Variants in KDM3A observed in about 807,000 individuals in gnomAD.
The protein encoded by KDM3A is lysine demethylase 3A.
A neutral mutation model predicts 158.0 loss-of-function variants in KDM3A; 60 were observed. The observed-to-expected ratio is 0.38, with a 90% CI of 0.31 to 0.47. The LOEUF is 0.47. Ranked by LOEUF, KDM3A falls within the 20% of genes least tolerant of loss-of-function variation. The pLI is 0.99. For synonymous variants in KDM3A, 608 were observed against 549.3 expected (o/e 1.11, Z -1.49); for missense variants, 1,319 against 1,574.3 (o/e 0.84, Z 2.74).
intron 10 of KDM3A, among the ~76,000 whole-genome samples, chr2:86,469,379 T>TA (rs1235045805): frequency 6.6e-6 from 1 of 152,202 alleles, no homozygotes; most frequent in African/African-American, 2.4e-5. Context: ...TCTGGGACCC[T>TA]AAGAAAAGGT....
intron 11 of KDM3A, among the ~76,000 whole-genome samples, chr2:86,473,783 T>G (rs1334093999): frequency 6.6e-6 from 1 of 152,112 alleles, no homozygotes; most frequent in Non-Finnish European, 1.5e-5. Flanking sequence ...TTTCAAAAAT[T>G]TAAAACTAAT....
rs72932310 is a variant in KDM3A at position 86,485,608 on chromosome 2, G to C, written c.3183-121G>C. On this transcript the variant is annotated intron_variant, in intron 20 of 25. Coordinates refer to ENST00000312912, the MANE Select transcript of KDM3A (RefSeq NM_018433.6). Reference sequence around the variant, plus strand: ...TTCTCATCTTAAATATTTGATGGCTGTCAGTCTGCATGATCACAGATGGAT... The same window carrying C: ...TTCTCATCTTAAATATTTGATGGCTCTCAGTCTGCATGATCACAGATGGAT... 163,460 of 1,137,034 alleles carry C rather than the reference G, an allele frequency of 0.14. 13,984 individuals carry two copies. Among genetic ancestry groups the C allele is most frequent in the African/African-American group, 0.31 (20,078 of 64,160 alleles). 70.4% of individuals were successfully genotyped at this position (1,137,034 alleles called of 1,614,324 possible). A position where few individuals can be genotyped will look rare whatever the true frequency, so the allele number is the denominator to read the frequency against.
Position 86,466,461 on chromosome 2 carries a change from C to T in KDM3A, c.1097C>T (p.Ala366Val), listed in dbSNP as rs1247937995. The change falls in exon 10 of 26, where the codon GCA (alanine) becomes GTA (valine). Residue 366 changes from alanine (A) to valine (V), a missense_variant. Coordinates refer to ENST00000312912, the MANE Select transcript of KDM3A (RefSeq NM_018433.6). Reference protein sequence around the residue: ...ALRTKPDVCKAGLLSKSSQIG... With the variant: ...ALRTKPDVCKVGLLSKSSQIG... ...AGAACAAAACCAGATGTCTGCAAAGCAGGGTTGCTCTCAAAGTCCTCTCAG... is the reference window on the plus strand; with the variant it reads ...AGAACAAAACCAGATGTCTGCAAAGTAGGGTTGCTCTCAAAGTCCTCTCAG... 6.2e-7 allele frequency: 1 copy of T among 1,613,730 alleles called. No individual in the cohort carries two copies. Among genetic ancestry groups the T allele is most frequent in the East Asian group, 2.2e-5 (1 of 44,892 alleles).
At chr2:86,450,086 C>T (rs774815740) in intron 3 of KDM3A, 124 bp downstream of exon 3, 1 of 1,010,890 alleles carries the variant, frequency 9.9e-7, no homozygotes, top group African/African-American at 1.6e-5. Flanking sequence ...CCTGCCAGCC[C>T]TTTTAAGAAC....
At chr2:86,481,858 G>A in intron 16 of KDM3A, 72 bp from the exon 17 acceptor site, 1 of 1,152,680 alleles carries the variant, frequency 8.7e-7, no homozygotes, top group East Asian at 2.4e-5. Flanking sequence ...AAGTAATTCT[G>A]CTAGTAGAAT....
chr2:86,442,852 G>A (rs1682793450), intron 2 of KDM3A, among the ~76,000 whole-genome samples: 1 of 152,076 alleles, frequency 6.6e-6, no homozygotes, highest in Non-Finnish European at 1.5e-5. Context: ...GGGTGGAGCT[G>A]TCCCATATAT....
At chr2:86,473,273 A>G (rs955556119) in intron 11 of KDM3A, among the ~76,000 whole-genome samples, 2 of 152,098 alleles carry the variant, frequency 1.3e-5, no homozygotes, top group African/African-American at 4.8e-5. Context: ...TGATCCTCCC[A>G]TCTCAGCTTC....
chr2:86,491,144 C>T lies in KDM3A; in HGVS notation c.3754C>T (p.His1252Tyr). ...TATATTACTTGGTGTTTTTCAGGTTCATAACTTATATAGCTGCATCAAAGT... is the reference window on the plus strand; with the variant it reads ...TATATTACTTGGTGTTTTTCAGGTTTATAACTTATATAGCTGCATCAAAGT... ...FIPAGAPHQVHNLYSCIKVAE... is the reference protein window; with the variant it reads ...FIPAGAPHQVYNLYSCIKVAE... Residue 1252 changes from histidine (H) to tyrosine (Y), a missense_variant, in exon 25 of 26, where the codon CAT (histidine) becomes TAT (tyrosine). His to Tyr is a moderately conservative substitution (Grantham distance 83). This residue lies in a region of KDM3A where 186 missense variants were observed against 340.9 expected (regional missense o/e 0.55). Transcript: ENST00000312912. 1 of 1,613,904 alleles carries T rather than the reference C, an allele frequency of 6.2e-7. No homozygotes were observed. The highest frequency in any genetic ancestry group is 8.5e-7 in the Non-Finnish European group (1 of 1,179,882).
chr2:86,455,530 G>A (rs560862041), intron 5 of KDM3A, among the ~76,000 whole-genome samples: 143 of 151,786 alleles, frequency 9.4e-4, no homozygotes, highest in African/African-American at 3.3e-3. Flanking sequence ...CCATCACGCC[G>A]GGCCATTTCT....
chr2:86,443,019 G>A (rs541509081), intron 2 of KDM3A, among the ~76,000 whole-genome samples: 1 of 152,206 alleles, frequency 6.6e-6, no homozygotes, highest in South Asian at 2.1e-4. Flanking sequence ...AATTCTGATT[G>A]TGCTCCCTAA....
At chr2:86,451,948 C>G (rs1218956099) in intron 4 of KDM3A, among the ~76,000 whole-genome samples, 1 of 152,154 alleles carries the variant, frequency 6.6e-6, no homozygotes, top group African/African-American at 2.4e-5. Flanking sequence ...TACAAGCAAT[C>G]CTCATTATTT....
In KDM3A at chr2:86,474,806, G is replaced by A; in HGVS notation, c.1755G>A (p.Arg585=). 1 of 1,610,990 alleles carries A rather than the reference G, an allele frequency of 6.2e-7. No homozygotes were observed. ...AATTCAACAAACATGGTGTGTTGCG[G>A]GTAGAAGGCTTCTTAACACCAAACA... ...RLQFNKHGVL[R]VEGFLTPNKY... Residue 585 remains arginine, a synonymous_variant, in exon 12 of 26, where the codon CGG becomes CGA. Transcript: ENST00000312912.
intron 2 of KDM3A, among the ~76,000 whole-genome samples, chr2:86,446,853 C>A (rs183976612): frequency 6.6e-6 from 1 of 152,296 alleles, no homozygotes; most frequent in Admixed American, 6.5e-5. Flanking sequence ...ACTCTGTCAC[C>A]CAGGCTGAAG....
chr2:86,482,252 T>G, intron 17 of KDM3A, 150 bp downstream of exon 17: 1 of 1,164,436 alleles, frequency 8.6e-7, no homozygotes, highest in Non-Finnish European at 1.2e-6. Flanking sequence ...GGATGGGTTT[T>G]ATGGGACTAT....
In KDM3A at chr2:86,466,513, G is replaced by T; in HGVS notation, c.1149G>T (p.Leu383=). ...TTGGAACTGGAGACTTGAAAATTCT[G>T]ACTGAGCCAAAAGGCAGCTGTACTC... ...SQIGTGDLKI[L]TEPKGSCTQP... is the part of the protein sequence containing the mutation. The change falls in exon 10 of 26, where the codon CTG becomes CTT. Residue 383 remains leucine, a synonymous_variant. Transcript: ENST00000312912. 2 of 1,613,880 alleles carry T rather than the reference G, an allele frequency of 1.2e-6. No individual in the cohort carries two copies. Among genetic ancestry groups the T allele is most frequent in the South Asian group, 2.2e-5 (2 of 91,038 alleles).
chr2:86,490,285 C>T (rs972353272), intron 23 of KDM3A: 3 of 152,702 alleles, frequency 2.0e-5, no homozygotes, highest in African/African-American at 4.8e-5. Context: ...ATTCTTCAGT[C>T]ATTCATGAGT....
chr2:86,466,250 A>C, intron 9 of KDM3A, 122 bp from the exon 10 acceptor site: 1 of 977,474 alleles, frequency 1.0e-6, no homozygotes, highest in Non-Finnish European at 1.5e-6. Flanking sequence ...TCTGTAACAT[A>C]TGAGAAATTT....
chr2:86,461,062 A>G lies in KDM3A; in HGVS notation c.844-2991A>G, dbSNP rs547838289. On this transcript the variant is annotated intron_variant, in intron 8 of 25. Coordinates refer to ENST00000312912, the MANE Select transcript of KDM3A (RefSeq NM_018433.6). ...ATGTTTTTCTGCTTTAAGACAGCTC[A>G]TCTCTAAAATTGATTTCAGCGCCAG... Among the ~76,000 whole-genome samples, 4 of 147,996 alleles carry G rather than the reference A, an allele frequency of 2.7e-5. No individual in the cohort carries two copies. In the East Asian group the frequency reaches 7.8e-4, roughly 29 times the overall value.
intron 14 of KDM3A, 99 bp downstream of exon 14, chr2:86,478,364 A>G (rs1673762958): frequency 2.1e-6 from 2 of 944,674 alleles, no homozygotes; most frequent in Non-Finnish European, 3.3e-6. Flanking sequence ...AGTTTATTTT[A>G]GTGTGTATTG....
Sources: gnomAD v4.1 joint callset for allele counts (sites outside exome capture counted in the v4.1 genomes callset) on GRCh38, gnomAD v4.1.1 for gene constraint, gnomAD v4.1.1 regional missense constraint, MANE v1.5 for transcripts, NCBI Gene and HGNC (gene_info 2026-07-23, HGNC 2026-07-21) for gene names.